Variants in ITPK1 observed in about 807,000 individuals in gnomAD.
ITPK1 encodes inositol 1,3,4-trisphosphate 5/6-kinase.
Under a neutral mutation model 45.3 loss-of-function variants are expected in ITPK1, and 21 were observed. The observed-to-expected ratio is 0.46, with a 90% CI of 0.33 to 0.67. The LOEUF is 0.67. Among genes scored for constraint, ITPK1 ranks in the 30% least tolerant of loss-of-function variants. ITPK1 has a pLI of 0.02. For missense variants in ITPK1, 474 were observed against 573.5 expected, an observed-to-expected ratio of 0.83 and a Z score of 1.77; for synonymous variants, 258 against 253.6, an observed-to-expected ratio of 1.02 and a Z score of -0.16.
chr14:92,981,765 G>A (rs1450375380), intron 5 of ITPK1, among the ~76,000 whole-genome samples: 4 of 152,360 alleles, frequency 2.6e-5, no homozygotes, highest in Admixed American at 6.5e-5. Context: ...AGACAATGAC[G>A]AAACAGTGGA....
chr14:93,080,604 G>A (rs1430669409), intron 2 of ITPK1, among the ~76,000 whole-genome samples: 1 of 152,182 alleles, frequency 6.6e-6, no homozygotes, highest in Admixed American at 6.5e-5. Flanking sequence ...AAAACAGACT[G>A]AGGTGCGTGT....
At chr14:93,062,696 C>T (rs879654677) in intron 3 of ITPK1, among the ~76,000 whole-genome samples, 6 of 152,116 alleles carry the variant, frequency 3.9e-5, no homozygotes, top group Admixed American at 6.5e-5. Context: ...CCTGGTCCCA[C>T]GGCAGGTCTG....
chr14:92,962,169 G>T (rs547575449), intron 7 of ITPK1, among the ~76,000 whole-genome samples, 186 bp downstream of exon 7: 1 of 152,240 alleles, frequency 6.6e-6, no homozygotes, highest in Non-Finnish European at 1.5e-5. Context: ...GACAGTGCAT[G>T]AAGCCACAGC....
At chr14:93,066,104 G>C (rs557666916) in intron 3 of ITPK1, 2 of 314,992 alleles carry the variant, frequency 6.3e-6, no homozygotes, top group South Asian at 4.9e-5. Flanking sequence ...GAATAATCTA[G>C]AGTTATTTTT....
At position 92,962,812 on chromosome 14, in the gene ITPK1, C is replaced by G; in HGVS notation, c.402G>C (p.Thr134=). 1 of 1,613,894 alleles carries G rather than the reference C, an allele frequency of 6.2e-7. No homozygotes were observed. The highest frequency in any genetic ancestry group is 1.1e-5 in the South Asian group (1 of 91,082). Residue 134 remains threonine, a synonymous_variant, in exon 6 of 11, where the codon ACG becomes ACC. Coordinates refer to ENST00000267615, the MANE Select transcript of ITPK1 (RefSeq NM_014216.6). ...RICSPPFMEL[T]SLCGDDTMRL... is the part of the protein sequence containing the mutation. ...GCATGGTGTCATCCCCGCACAGGCTCGTGAGCTCCATGAAGGGTGGCGAGC... is the reference window on the plus strand; with the variant it reads ...GCATGGTGTCATCCCCGCACAGGCTGGTGAGCTCCATGAAGGGTGGCGAGC...
intron 4 of ITPK1, among the ~76,000 whole-genome samples, chr14:92,999,945 TTC>T (rs1303660754): frequency 6.6e-6 from 1 of 152,180 alleles, no homozygotes; most frequent in African/African-American, 2.4e-5. Context: ...CACATCTACT[TTC>T]TGTCTGGGTA....
Position 92,940,386 on chromosome 14 carries a change from C to T in ITPK1, c.*1175G>A, listed in dbSNP as rs970225010. 142 of 1,022,002 alleles carry T rather than the reference C, an allele frequency of 1.4e-4. No homozygotes were observed. Among genetic ancestry groups the T allele is most frequent in the South Asian group, 1.1e-3 (30 of 28,050 alleles). The allele number at this position is 1,022,002 out of a possible 1,614,324, so 63.3% of individuals were successfully genotyped here. On this transcript the variant is annotated 3_prime_UTR_variant, in exon 11 of 11. Coordinates refer to ENST00000267615, the MANE Select transcript of ITPK1 (RefSeq NM_014216.6). The stretch of plus-strand genomic sequence containing the variant: ...GGGGCTGCCTGGATCAGGGGTCAGA[C>T]GGCAGAGCCAGTGCTTTGCTGCCAA...
Position 93,110,217 on chromosome 14 carries a change from C to G in ITPK1, c.95+4852G>C, listed in dbSNP as rs139522200. Among the ~76,000 whole-genome samples, 7 of 152,160 alleles carry G rather than the reference C, an allele frequency of 4.6e-5. No individual in the cohort carries two copies. The East Asian group carries it at 1.4e-3, about 29-fold the overall frequency. The stretch of plus-strand genomic sequence containing the variant: ...CTCCTATGTGAAGTTCTGTTTGCTC[C>G]CCAGGAGGCTGGTAGAAAGTGTTCA... On this transcript the variant is annotated intron_variant, in intron 2 of 10. Coordinates refer to ENST00000267615, the MANE Select transcript of ITPK1 (RefSeq NM_014216.6).
intron 3 of ITPK1, chr14:93,072,176 C>T (rs975205060): frequency 6.6e-6 from 1 of 150,622 alleles, no homozygotes; most frequent in Non-Finnish European, 1.5e-5. Flanking sequence ...GTGGCAGGCA[C>T]CTGTAACCTC....
intron 3 of ITPK1, among the ~76,000 whole-genome samples, chr14:93,029,830 G>A (rs531933282): frequency 4.9e-4 from 75 of 152,296 alleles, no homozygotes; most frequent in African/African-American, 1.8e-3. Flanking sequence ...AGGCCCAAGA[G>A]AGTGGACAAG....
chr14:93,085,942 T>C (rs1286798280), intron 2 of ITPK1, among the ~76,000 whole-genome samples: 8 of 152,048 alleles, frequency 5.3e-5, no homozygotes, highest in Admixed American at 2.0e-4. Flanking sequence ...TGGGGGGTGC[T>C]GGCAGGCTTG....
chr14:93,010,148 T>C (rs190184597), intron 4 of ITPK1, among the ~76,000 whole-genome samples: 1 of 152,276 alleles, frequency 6.6e-6, no homozygotes, highest in African/African-American at 2.4e-5. Flanking sequence ...TGGTTCTTAC[T>C]CTGACCCCAC....
At chr14:92,951,832 T>C in intron 9 of ITPK1, 114 bp downstream of exon 9, 1 of 808,582 alleles carries the variant, frequency 1.2e-6, no homozygotes, top group Non-Finnish European at 2.0e-6. Flanking sequence ...GCAAACGTCC[T>C]TCCCACCCTA....
chr14:92,952,330 G>T (rs147096121), intron 8 of ITPK1, among the ~76,000 whole-genome samples: 1 of 152,196 alleles, frequency 6.6e-6, no homozygotes, highest in Non-Finnish European at 1.5e-5. Flanking sequence ...AGGGAAGTAG[G>T]GGAAAAGGGC....
chr14:93,084,387 G>A (rs1257604125), intron 2 of ITPK1, among the ~76,000 whole-genome samples: 2 of 152,166 alleles, frequency 1.3e-5, no homozygotes, highest in Non-Finnish European at 2.9e-5. Context: ...TGAGGAAAGG[G>A]CCCCTGTAAT....
intron 5 of ITPK1, among the ~76,000 whole-genome samples, chr14:92,992,112 C>T (rs769423429): frequency 6.6e-6 from 1 of 152,206 alleles, no homozygotes; most frequent in Non-Finnish European, 1.5e-5. Flanking sequence ...GCGGCACCTC[C>T]TCGAATCCCA....
At position 92,938,382 on chromosome 14, in the gene ITPK1, G is replaced by A. The variant is rs1334177700; in HGVS notation, c.*3179C>T. On this transcript the variant is annotated 3_prime_UTR_variant, in exon 11 of 11. Transcript: ENST00000267615. ...AGCCAAGAACTGGTCTTCCAGGCTA[G>A]AAGGACAAACGACAGGCTGGCTCCC... 4 of 908,378 alleles carry A rather than the reference G, an allele frequency of 4.4e-6. No homozygotes were observed. The highest frequency in any genetic ancestry group is 2.4e-5 in the East Asian group (1 of 41,038). 56.3% of individuals were successfully genotyped at this position (908,378 alleles called of 1,614,324 possible).
At chr14:93,085,864 T>C (rs1340042169) in intron 2 of ITPK1, among the ~76,000 whole-genome samples, 2 of 152,274 alleles carry the variant, frequency 1.3e-5, no homozygotes, top group Non-Finnish European at 2.9e-5. Context: ...AATTTTTCTT[T>C]CCCCTAATTA....
At chr14:93,008,789 G>C (rs1255976030) in intron 4 of ITPK1, among the ~76,000 whole-genome samples, 2 of 152,234 alleles carry the variant, frequency 1.3e-5, no homozygotes, top group Non-Finnish European at 2.9e-5. Flanking sequence ...CACAAACCAG[G>C]AGGAAACAGA....
Sources: allele counts gnomAD v4.1 joint callset (sites outside exome capture counted in the v4.1 genomes callset), GRCh38; gene constraint gnomAD v4.1.1; transcripts MANE v1.5; gene names NCBI Gene and HGNC (gene_info 2026-07-23, HGNC 2026-07-21).